TRAF3: variants seen among roughly 807,000 people sequenced by gnomAD.
The protein encoded by TRAF3 is TNF receptor-associated factor 3.
Under a neutral mutation model 62.3 loss-of-function variants are expected in TRAF3, and 13 were observed. The ratio of observed to expected loss-of-function variants is 0.21; its 90% confidence interval spans 0.14 to 0.33. The LOEUF (loss-of-function observed/expected upper bound fraction) is 0.33. Ranked by LOEUF, TRAF3 falls within the 10% of genes least tolerant of loss-of-function variation. The pLI is 1.00. For synonymous variants in TRAF3, 269 were observed against 283.4 expected (o/e 0.95, Z 0.51); for missense variants, 440 against 741.8 (o/e 0.59, Z 4.73).
At chr14:102,807,619 C>G (rs1220626333) in intron 1 of TRAF3, among the ~76,000 whole-genome samples, 1 of 152,174 alleles carries the variant, frequency 6.6e-6, no homozygotes, top group Non-Finnish European at 1.5e-5. Flanking sequence ...TCACAGGGAC[C>G]TGCCCTCCTT....
At chr14:102,893,828 C>T (rs979415355) in intron 9 of TRAF3, among the ~76,000 whole-genome samples, 1 of 152,200 alleles carries the variant, frequency 6.6e-6, no homozygotes, top group Non-Finnish European at 1.5e-5. Flanking sequence ...CCAGCCAGCT[C>T]GGCTCTGCAC....
intron 9 of TRAF3, among the ~76,000 whole-genome samples, chr14:102,892,437 C>T (rs1040325920): frequency 6.6e-6 from 1 of 152,250 alleles, no homozygotes; most frequent in Non-Finnish European, 1.5e-5. Context: ...TGCTGGTTCT[C>T]AGTGGAGTTT....
At chr14:102,861,016 G>T (rs909391357) in intron 2 of TRAF3, among the ~76,000 whole-genome samples, 3 of 152,230 alleles carry the variant, frequency 2.0e-5, no homozygotes, top group African/African-American at 7.2e-5. Flanking sequence ...AAAGGGAAAG[G>T]AAAGAAAGGG....
At chr14:102,864,330 A>C (rs1002292856) in intron 2 of TRAF3, among the ~76,000 whole-genome samples, 3 of 151,382 alleles carry the variant, frequency 2.0e-5, no homozygotes, top group African/African-American at 7.3e-5. Context: ...TTGTATTTTT[A>C]GTAGAGATGG....
intron 1 of TRAF3, among the ~76,000 whole-genome samples, chr14:102,806,764 G>C (rs1898798227): frequency 6.6e-6 from 1 of 152,136 alleles, no homozygotes; most frequent in Admixed American, 6.5e-5. Context: ...GTCAAGAGTG[G>C]AGTGCTTCAT....
intron 5 of TRAF3, among the ~76,000 whole-genome samples, chr14:102,875,944 T>TC (rs543692106): frequency 3.2e-4 from 49 of 151,626 alleles, no homozygotes; most frequent in Admixed American, 6.6e-4. Context: ...TTTTAAACAC[T>TC]CCCCCCCCTA....
rs1900294299 is a variant in TRAF3 at position 102,826,099 on chromosome 14, T to C, written c.-156-4235T>C. Among the ~76,000 whole-genome samples the C allele has an allele frequency of 6.6e-6, 1 of 152,150 alleles. No homozygotes were observed. The highest frequency in any genetic ancestry group is 2.4e-5 in the African/African-American group (1 of 41,426). ...GTAACTCGAATCCCTCCCACCCCCG[T>C]GAGGTAACAACGTCTTTTCCAGTTG... is the stretch of plus-strand genomic sequence containing the variant. On this transcript the variant is annotated intron_variant, in intron 1 of 11. Coordinates refer to ENST00000392745, the MANE Select transcript of TRAF3 (RefSeq NM_145725.3). The surrounding 1 kb of genome is among the most constrained non-coding windows in gnomAD (Gnocchi z 4.6).
intron 1 of TRAF3, among the ~76,000 whole-genome samples, chr14:102,803,980 T>C (rs928067962): frequency 6.6e-6 from 1 of 152,106 alleles, no homozygotes; most frequent in Non-Finnish European, 1.5e-5. Flanking sequence ...GGAGGGTCGC[T>C]TGAGCCCAGG....
At position 102,870,210 on chromosome 14, in the gene TRAF3, G is replaced by C. The variant is rs377427517; in HGVS notation, c.9G>C (p.Ser3=). 7.4e-6 allele frequency: 12 copies of C among 1,613,956 alleles called. No homozygotes were observed. In the African/African-American group the frequency reaches 1.2e-4, roughly 16 times the overall value. The change falls in exon 3 of 12, where the codon TCG becomes TCC. Residue 3 remains serine (S), a synonymous_variant. Coordinates refer to ENST00000392745, the MANE Select transcript of TRAF3 (RefSeq NM_145725.3). Reference sequence around the variant, plus strand: ...AACTCCTCTTTCCTAAAATGGAGTCGAGTAAAAAGATGGACTCTCCTGGCG... The same window carrying C: ...AACTCCTCTTTCCTAAAATGGAGTCCAGTAAAAAGATGGACTCTCCTGGCG... ME[S]SKKMDSPGAL... is the part of the protein sequence containing the mutation.
chr14:102,806,609 C>T (rs1474026786), intron 1 of TRAF3, among the ~76,000 whole-genome samples: 1 of 152,184 alleles, frequency 6.6e-6, no homozygotes, highest in African/African-American at 2.4e-5. Flanking sequence ...GCCGGGCACC[C>T]TCCTGTGTAC....
chr14:102,842,336 A>G (rs1244378333), intron 2 of TRAF3, among the ~76,000 whole-genome samples: 2 of 149,178 alleles, frequency 1.3e-5, no homozygotes. Context: ...TAATATATAC[A>G]CATGTATATG....
rs1887364331 is a variant in TRAF3, at chr14:102,856,281, A to G, written c.-17-13904A>G. Among the ~76,000 whole-genome samples, 3 of 152,058 alleles carry G rather than the reference A, an allele frequency of 2.0e-5. No individual in the cohort carries two copies. In the South Asian group the frequency reaches 6.2e-4, roughly 32 times the overall value. Reference sequence around the variant, plus strand: ...CACTCAGCTGCTTATACTTATTGTTACTTCTTGATTGTATGCTAAACAAGG... The same window carrying G: ...CACTCAGCTGCTTATACTTATTGTTGCTTCTTGATTGTATGCTAAACAAGG... On this transcript the variant is annotated intron_variant, in intron 2 of 11. Coordinates refer to ENST00000392745, the MANE Select transcript of TRAF3 (RefSeq NM_145725.3).
intron 1 of TRAF3, among the ~76,000 whole-genome samples, chr14:102,790,356 T>G (rs990830452): frequency 2.0e-5 from 3 of 152,240 alleles, no homozygotes; most frequent in Non-Finnish European, 4.4e-5. Flanking sequence ...GGACTCTCAG[T>G]TCTATTCTGT....
intron 6 of TRAF3, among the ~76,000 whole-genome samples, chr14:102,884,160 C>G (rs1259383265): frequency 6.6e-6 from 1 of 152,026 alleles, no homozygotes; most frequent in East Asian, 1.9e-4. Context: ...CTTCCCTGCC[C>G]CTCTCAGTTT....
intron 2 of TRAF3, among the ~76,000 whole-genome samples, chr14:102,859,017 C>G (rs186649179): frequency 1.8e-4 from 28 of 152,278 alleles, no homozygotes; most frequent in Admixed American, 1.8e-3. Flanking sequence ...AACCTTGTTA[C>G]GCTTTTATTC....
Position 102,905,847 on chromosome 14 carries a change from T to G in TRAF3, c.*63T>G, listed in dbSNP as rs1890560676. The G allele has an allele frequency of 6.8e-7, 1 of 1,465,714 alleles. No homozygotes were observed. Among genetic ancestry groups the G allele is most frequent in the East Asian group, 2.3e-5 (1 of 43,378 alleles). 90.8% of individuals were successfully genotyped at this position (1,465,714 alleles called of 1,614,324 possible). ...CCTCTGGGGGATTTGAACCGGTCTGTCTTCACTGAGGTCCTCGCGCTCAGA... is the reference window on the plus strand; with the variant it reads ...CCTCTGGGGGATTTGAACCGGTCTGGCTTCACTGAGGTCCTCGCGCTCAGA... On this transcript the variant is annotated 3_prime_UTR_variant, in exon 12 of 12. Transcript: ENST00000392745.
intron 1 of TRAF3, among the ~76,000 whole-genome samples, chr14:102,807,908 C>T (rs924681214): frequency 2.6e-5 from 4 of 152,164 alleles, no homozygotes; most frequent in African/African-American, 9.7e-5. Context: ...AAACTAGCAC[C>T]ATGGCCTTGG....
At chr14:102,836,194 AG>A (rs1885992933) in intron 2 of TRAF3, among the ~76,000 whole-genome samples, 1 of 152,238 alleles carries the variant, frequency 6.6e-6, no homozygotes, top group Admixed American at 6.5e-5. Context: ...GGGGCTGGCC[AG>A]GGCCTGTGCA....
rs1888594962 is a variant in TRAF3 at position 102,875,540 on chromosome 14, T to A, written c.298-84T>A. 10 of 1,156,280 alleles carry A rather than the reference T, an allele frequency of 8.6e-6. No homozygotes were observed. The Admixed American group carries it at 9.3e-5, about 11-fold the overall frequency. 71.6% of individuals were successfully genotyped at this position (1,156,280 alleles called of 1,614,324 possible). A position where few individuals can be genotyped will look rare whatever the true frequency, so the allele number is the denominator to read the frequency against. ...GAGTTCCTCTCTTGTTTTTTTTTTT[T>A]AAGTGGTTTTGCCTTGTCCAAAGTA... On this transcript the variant is annotated intron_variant, in intron 4 of 11. Transcript: ENST00000392745.
Sources: allele counts gnomAD v4.1 joint callset (sites outside exome capture counted in the v4.1 genomes callset), GRCh38; gene constraint gnomAD v4.1.1; non-coding constraint Gnocchi (gnomAD v3.1); transcripts MANE v1.5; gene names NCBI Gene and HGNC (gene_info 2026-07-23, HGNC 2026-07-21).